The following PLOD2 variants were observed in gnomAD, a reference collection of about 807,000 sequenced individuals.
PLOD2 encodes the protein lysine hydroxylase 2.
A neutral mutation model predicts 101.0 loss-of-function variants in PLOD2; 65 were observed. The observed-to-expected ratio is 0.64, with a 90% CI of 0.53 to 0.79. The LOEUF is 0.79. Among genes scored for constraint, PLOD2 ranks in the 30% least tolerant of loss-of-function variants. The pLI is 0.00. For synonymous variants in PLOD2, 314 were observed against 302.9 expected (o/e 1.04, Z -0.38); for missense variants, 909 against 914.6 (o/e 0.99, Z 0.08).
At chr3:146,145,440 T>C (rs2031730491) in intron 1 of PLOD2, among the ~76,000 whole-genome samples, 2 of 152,072 alleles carry the variant, frequency 1.3e-5, no homozygotes, top group Admixed American at 6.6e-5. Flanking sequence ...ATAAATACCA[T>C]GTGTAGTTGG....
At position 146,071,175 on chromosome 3, in the gene PLOD2, A is replaced by T. The variant is rs758749377; in HGVS notation, c.1996-8T>A. ...ATTCAGTAGTGCAAATCCCTGAAAA[A>T]GCAAAGTAAGCCAGTGGATTTGCTT... On this transcript the variant is annotated splice_polypyrimidine_tract_variant and splice_region_variant and intron_variant, in intron 18 of 19. Coordinates refer to ENST00000282903, the MANE Select transcript of PLOD2 (RefSeq NM_182943.3). The T allele has an allele frequency of 2.5e-6, 4 of 1,611,158 alleles. No individual in the cohort carries two copies. The Admixed American group carries it at 6.7e-5, about 27-fold the overall frequency.
chr3:146,130,303 G>A (rs1369696628), intron 1 of PLOD2, among the ~76,000 whole-genome samples: 1 of 152,154 alleles, frequency 6.6e-6, no homozygotes, highest in Non-Finnish European at 1.5e-5. Flanking sequence ...TGACCTACTA[G>A]AGTAGGCCAG....
At chr3:146,084,014 G>A (rs1180537565) in intron 11 of PLOD2, among the ~76,000 whole-genome samples, 2 of 151,792 alleles carry the variant, frequency 1.3e-5, no homozygotes, top group African/African-American at 4.8e-5. Context: ...GTCATAAAAT[G>A]AAAATATCTA....
chr3:146,111,721 T>TAAAA (rs11425603), intron 3 of PLOD2, among the ~76,000 whole-genome samples: 51 of 150,256 alleles, frequency 3.4e-4, no homozygotes, highest in African/African-American at 1.1e-3. Flanking sequence ...CCCTGTTTAT[T>TAAAA]AAAAAAAAAA....
At chr3:146,116,424 G>A (rs1464646022) in intron 3 of PLOD2, among the ~76,000 whole-genome samples, 2 of 152,118 alleles carry the variant, frequency 1.3e-5, no homozygotes, top group Non-Finnish European at 2.9e-5. Context: ...AATTTTAACA[G>A]ATAAATATTG....
rs780902890 is a variant in PLOD2, at chr3:146,124,179, G to A, written c.160C>T (p.Arg54Ter). 1.3e-6 allele frequency: 2 copies of A among 1,596,474 alleles called. No individual in the cohort carries two copies. Among genetic ancestry groups the A allele is most frequent in the Non-Finnish European group, 1.7e-6 (2 of 1,164,816 alleles). Reference protein sequence around the residue: ...VATKESDGFHRFMQSAKYFNY... With the variant: ...VATKESDGFH ...AAATATTTGGCTGACTGCATAAATCGATGGAATCCATCACTTTCTTTTGTT... is the reference window on the plus strand; with the variant it reads ...AAATATTTGGCTGACTGCATAAATCAATGGAATCCATCACTTTCTTTTGTT... The change falls in exon 2 of 20, where the codon CGA (arginine) becomes TGA (stop). Residue 54 changes from arginine (R) to a stop codon, truncating the protein, a stop_gained. Coordinates refer to ENST00000282903, the MANE Select transcript of PLOD2 (RefSeq NM_182943.3). LOFTEE classifies it high-confidence loss of function.
chr3:146,086,872 C>G lies in PLOD2; in HGVS notation c.1042G>C (p.Asp348His). The part of the protein sequence containing the change: ...YHEKDIKVFF[D>H]KAKHEIKTIK... ...GTTTTGATTTCATGCTTAGCTTTAT[C>G]AAAAAATACCTTGATGTCCTTTTCA... The change falls in exon 10 of 20, where the codon GAT (aspartate) becomes CAT (histidine). Residue 348 changes from aspartate (D) to histidine (H), a missense_variant. Asp to His is a moderately conservative substitution (Grantham distance 81). Coordinates refer to ENST00000282903, the MANE Select transcript of PLOD2 (RefSeq NM_182943.3). 1 of 1,523,610 alleles carries G rather than the reference C, an allele frequency of 6.6e-7. No individual in the cohort carries two copies. The allele number at this position is 1,523,610 out of a possible 1,614,324, so 94.4% of individuals were successfully genotyped here.
chr3:146,125,883 T>C (rs1242341743), intron 1 of PLOD2, among the ~76,000 whole-genome samples: 1 of 152,246 alleles, frequency 6.6e-6, no homozygotes, highest in Non-Finnish European at 1.5e-5. Context: ...TTTTATTTTA[T>C]AAGAACAAAG....
At chr3:146,153,480 GT>G (rs2032160486) in intron 1 of PLOD2, among the ~76,000 whole-genome samples, 1 of 152,164 alleles carries the variant, frequency 6.6e-6, no homozygotes, top group African/African-American at 2.4e-5. Context: ...GCCCACAAAA[GT>G]TGTGGCTTCA....
chr3:146,070,601 T>C lies in PLOD2; in HGVS notation c.*116A>G. On this transcript the variant is annotated 3_prime_UTR_variant, in exon 20 of 20. Coordinates refer to ENST00000282903, the MANE Select transcript of PLOD2 (RefSeq NM_182943.3). ...TTCAAATGTTTGGCCCAAAGTGAAG[T>C]TGTTCTGTTGATGTTATTTAAATAT... is the stretch of plus-strand genomic sequence containing the variant. The C allele has an allele frequency of 1.5e-6, 1 of 657,144 alleles. No homozygotes were observed. Among genetic ancestry groups the C allele is most frequent in the Non-Finnish European group, 2.6e-6 (1 of 384,186 alleles). The allele number at this position is 657,144 out of a possible 1,614,324, so 40.7% of individuals were successfully genotyped here. A position where few individuals can be genotyped will look rare whatever the true frequency, so the allele number is the denominator to read the frequency against.
intron 1 of PLOD2, among the ~76,000 whole-genome samples, chr3:146,130,254 A>G (rs1334295918): frequency 6.6e-6 from 1 of 152,154 alleles, no homozygotes. Flanking sequence ...TAAACCTGAG[A>G]TTCTTACACA....
chr3:146,118,421 T>C (rs1426154755), intron 3 of PLOD2, among the ~76,000 whole-genome samples: 2 of 152,198 alleles, frequency 1.3e-5, no homozygotes, highest in Admixed American at 6.5e-5. Flanking sequence ...TATTAACATC[T>C]ATTTTCATTT....
chr3:146,120,984 G>A, intron 3 of PLOD2, 128 bp downstream of exon 3: 1 of 741,556 alleles, frequency 1.3e-6, no homozygotes, highest in Non-Finnish European at 2.3e-6. Context: ...GCCTCCCAAA[G>A]TGCTAGGATT....
At chr3:146,151,598 G>T (rs965899839) in intron 1 of PLOD2, among the ~76,000 whole-genome samples, 1 of 152,200 alleles carries the variant, frequency 6.6e-6, no homozygotes, top group African/African-American at 2.4e-5. Context: ...AGGTTGGTGA[G>T]TGGAAGGATG....
intron 5 of PLOD2, chr3:146,105,136 C>T (rs1448668457): frequency 6.6e-6 from 1 of 152,162 alleles, no homozygotes; most frequent in Admixed American, 6.6e-5. Flanking sequence ...GCCTTGTGCT[C>T]CCTACTTCTT....
At position 146,085,225 on chromosome 3, in the gene PLOD2, A is replaced by G. The variant is rs1254946782; in HGVS notation, c.1176T>C (p.Asp392=). 2 of 1,609,448 alleles carry G rather than the reference A, an allele frequency of 1.2e-6. No individual in the cohort carries two copies. The highest frequency in any genetic ancestry group is 1.3e-5 in the African/African-American group (1 of 74,900). ...TTGGATTTGTCAAAACAACATCTGC[A>G]TCCACACTAAAGTAATAATCACACT... The part of the protein sequence containing the change: ...DEKCDYYFSV[D]ADVVLTNPRT... Residue 392 remains aspartate, a synonymous_variant, in exon 11 of 20, where the codon GAT becomes GAC. Transcript: ENST00000282903.
intron 3 of PLOD2, among the ~76,000 whole-genome samples, chr3:146,113,553 T>C (rs1317656967): frequency 2.0e-5 from 3 of 152,212 alleles, no homozygotes; most frequent in Non-Finnish European, 4.4e-5. Flanking sequence ...TTCTTATGCC[T>C]GTCTTTACTG....
Position 146,096,877 on chromosome 3 carries a change from A to AGGC in PLOD2, c.778-4977_778-4976insGCC, listed in dbSNP as rs1174572859. 2.1e-3 allele frequency among the ~76,000 whole-genome samples: 39 copies of AGGC among 18,182 alleles called. 1 individual carries two copies. The highest frequency in any genetic ancestry group is 2.9e-3 in the Non-Finnish European group (28 of 9,748). 11.9% of individuals were successfully genotyped at this position (18,182 alleles called of 152,430 possible). A position where few individuals can be genotyped will look rare whatever the true frequency, so the allele number is the denominator to read the frequency against. On this transcript the variant is annotated intron_variant, in intron 7 of 19. Coordinates refer to ENST00000282903, the MANE Select transcript of PLOD2 (RefSeq NM_182943.3). ...CGGCCAGCTGCCCCGTCCGGGAGGG[A>AGGC]GGTGGGGGGGGGGAGTCGGCCAGCC...
intron 1 of PLOD2, among the ~76,000 whole-genome samples, chr3:146,146,825 AGTAATTGTATAAGCTT>A (rs1320287839): frequency 6.6e-6 from 1 of 152,190 alleles, no homozygotes; most frequent in African/African-American, 2.4e-5. Flanking sequence ...CAGGCTTTCC[AGTAATTGTATAAGCTT>A]GTAATTACTT....
Sources: allele counts gnomAD v4.1 joint callset (sites outside exome capture counted in the v4.1 genomes callset), GRCh38; gene constraint gnomAD v4.1.1; transcripts MANE v1.5; gene names NCBI Gene and HGNC (gene_info 2026-07-23, HGNC 2026-07-21).